ZNF395: variants seen among roughly 807,000 people sequenced by gnomAD.
ZNF395 encodes the protein zinc finger protein 395.
ZNF395 carries 20 observed loss-of-function variants against 57.7 expected under a neutral mutation model. The observed-to-expected ratio is 0.35, with a 90% CI of 0.24 to 0.50. The LOEUF is 0.50. ZNF395 is among the 20% of genes least tolerant of loss of function. The pLI is 0.97. For synonymous variants in ZNF395, 295 were observed against 275.9 expected (o/e 1.07, Z -0.69); for missense variants, 606 against 671.2 (o/e 0.90, Z 1.07).
At chr8:28,383,921 T>G (rs2130003578) in intron 1 of ZNF395, among the ~76,000 whole-genome samples, 1 of 152,302 alleles carries the variant, frequency 6.6e-6, no homozygotes, top group Non-Finnish European at 1.5e-5. Context: ...ATTTCCGATT[T>G]CTCAAGTTAC....
chr8:28,370,034 A>G (rs1378910995), intron 1 of ZNF395, among the ~76,000 whole-genome samples: 1 of 152,164 alleles, frequency 6.6e-6, no homozygotes, highest in African/African-American at 2.4e-5. Context: ...ATGAATGAAC[A>G]TTTGCATCTC....
rs1563338486 is a variant in ZNF395 at position 28,359,620 on chromosome 8, C to CGGGCCTGTAGGCCA, written c.431_444dup (p.Val149TrpfsTer25). On this transcript the variant is annotated frameshift_variant, in exon 3 of 10. Transcript: ENST00000344423. LOFTEE classifies it high-confidence loss of function. This position sits in a 1 kb window ranked among gnomAD's most constrained non-coding sequence, Gnocchi z 4.7. Reference sequence around the variant, plus strand: ...TTTGGGACATCGATGTTCCTGGAGACGGGCCTGTAGGCCAGGGCCTGGGCT... The same window carrying CGGGCCTGTAGGCCA: ...TTTGGGACATCGATGTTCCTGGAGACGGGCCTGTAGGCCAGGGCCTGTAGGCCAGGGCCTGGGCT... 6.2e-7 allele frequency: 1 copy of CGGGCCTGTAGGCCA among 1,606,210 alleles called. No individual in the cohort carries two copies. The highest frequency in any genetic ancestry group is 1.1e-5 in the South Asian group (1 of 90,678).
chr8:28,355,959 T>C (rs949813623), intron 4 of ZNF395, among the ~76,000 whole-genome samples: 3 of 146,386 alleles, frequency 2.0e-5, no homozygotes, highest in African/African-American at 8.4e-5. Context: ...TTCAGTTAGG[T>C]GTCCACCAAT....
chr8:28,360,595 G>A (rs566344409), intron 2 of ZNF395, among the ~76,000 whole-genome samples: 4 of 152,358 alleles, frequency 2.6e-5, no homozygotes, highest in Non-Finnish European at 5.9e-5. Context: ...TAAGAGAAAC[G>A]TGGTTATGGT....
At chr8:28,386,344 G>A (rs1182512492) in intron 1 of ZNF395, 49 bp downstream of exon 1, 1 of 40,864 alleles carries the variant, frequency 2.4e-5, no homozygotes, top group Non-Finnish European at 5.4e-5. Context: ...CCGCGCCTCC[G>A]CGCCCCCGCA....
At position 28,353,322 on chromosome 8, in the gene ZNF395, T is replaced by A. The variant is rs549592223; in HGVS notation, c.670A>T (p.Ser224Cys). The A allele has an allele frequency of 4.4e-6, 7 of 1,607,178 alleles. No individual in the cohort carries two copies. The highest frequency in any genetic ancestry group is 1.7e-4 in the Middle Eastern group (1 of 5,956). ...SSTTSGHWSG[S>C]SGVSTPSPPH... ...GGCGAGGGGGTGGAGACACCACTGC[T>A]CCCACTCCAGTGACCGCTGGTAGTG... Residue 224 changes from serine to cysteine, a missense_variant, in exon 5 of 10, where the codon AGC (serine) becomes TGC (cysteine). Physicochemically the swap from Ser to Cys is moderately radical, Grantham distance 112 (BLOSUM62 -1). Around this residue, in one of 3 missense-constraint regions of ZNF395, gnomAD observed 309 missense variants for 374.7 expected, o/e 0.82. Coordinates refer to ENST00000344423, the MANE Select transcript of ZNF395 (RefSeq NM_018660.3).
intron 2 of ZNF395, 91 bp downstream of exon 2, chr8:28,360,794 C>A (rs191008821): frequency 6.5e-7 from 1 of 1,535,514 alleles, no homozygotes; most frequent in Admixed American, 2.0e-5. Flanking sequence ...AAACGGTGCC[C>A]AGAGAGTTTC....
chr8:28,353,501 C>A, intron 4 of ZNF395, 93 bp from the exon 5 acceptor site: 1 of 984,086 alleles, frequency 1.0e-6, no homozygotes, highest in South Asian at 1.7e-5. Context: ...GAGAGGAGTT[C>A]ATTCATGGCA....
At position 28,347,007 on chromosome 8, in the gene ZNF395, T is replaced by C. The variant is rs1461164822; in HGVS notation, c.*1712A>G. ...ATCACCAAAGACACCTGTGCACAAGTGTCTGTCCCTTCTGTCACCAACCTA... is the reference window on the plus strand; with the variant it reads ...ATCACCAAAGACACCTGTGCACAAGCGTCTGTCCCTTCTGTCACCAACCTA... On this transcript the variant is annotated 3_prime_UTR_variant, in exon 10 of 10. Transcript: ENST00000344423. 1.3e-5 allele frequency: 2 copies of C among 151,150 alleles called. No homozygotes were observed. The highest frequency in any genetic ancestry group is 4.9e-5 in the African/African-American group (2 of 41,092). 9.4% of individuals were successfully genotyped at this position (151,150 alleles called of 1,614,324 possible).
At chr8:28,380,236 A>G (rs1269153299) in intron 1 of ZNF395, among the ~76,000 whole-genome samples, 3 of 152,222 alleles carry the variant, frequency 2.0e-5, no homozygotes, top group Non-Finnish European at 2.9e-5. Context: ...CATCCCCAGA[A>G]GTGGTATTAT....
In ZNF395 at chr8:28,353,296, G is replaced by A; in HGVS notation, c.696C>T (p.Pro232=). 2 of 1,596,756 alleles carry A rather than the reference G, an allele frequency of 1.3e-6. No individual in the cohort carries two copies. Among genetic ancestry groups the A allele is most frequent in the Non-Finnish European group, 1.7e-6 (2 of 1,166,842 alleles). ...ACTTGGGGCTGGCCTGGGGGTGGGG[G>A]GGCGAGGGGGTGGAGACACCACTGC... ...SGSSGVSTPS[P]PHPQASPKYL... is the part of the protein sequence containing the mutation. Residue 232 remains proline, a synonymous_variant, in exon 5 of 10, where the codon CCC becomes CCT. Coordinates refer to ENST00000344423, the MANE Select transcript of ZNF395 (RefSeq NM_018660.3).
chr8:28,351,264 A>T (rs964848850), intron 7 of ZNF395, among the ~76,000 whole-genome samples: 1 of 152,184 alleles, frequency 6.6e-6, no homozygotes, highest in Non-Finnish European at 1.5e-5. Context: ...TTACTTAGGG[A>T]TTTAGCTAGA....
At chr8:28,380,102 C>T (rs1802091274) in intron 1 of ZNF395, among the ~76,000 whole-genome samples, 1 of 152,060 alleles carries the variant, frequency 6.6e-6, no homozygotes. Context: ...TTATTTATTA[C>T]CTCTAGCCCA....
chr8:28,366,778 C>CT (rs1554519960), intron 1 of ZNF395, among the ~76,000 whole-genome samples: 8 of 148,016 alleles, frequency 5.4e-5, no homozygotes, highest in Non-Finnish European at 1.2e-4. Context: ...GTTCTCAAGC[C>CT]TTTTTTTTCC....
chr8:28,370,765 C>T (rs1171101116), intron 1 of ZNF395, among the ~76,000 whole-genome samples: 4 of 152,194 alleles, frequency 2.6e-5, no homozygotes, highest in African/African-American at 7.2e-5. Context: ...CACACACACC[C>T]CCGCCACCTC....
intron 7 of ZNF395, among the ~76,000 whole-genome samples, chr8:28,350,634 T>C (rs1312146636): frequency 2.0e-5 from 3 of 152,226 alleles, no homozygotes; most frequent in South Asian, 2.1e-4. Flanking sequence ...CTGGGCCCCA[T>C]AGGTCAGCCA....
intron 1 of ZNF395, among the ~76,000 whole-genome samples, chr8:28,370,772 C>A (rs529949181): frequency 3.5e-4 from 53 of 152,314 alleles, no homozygotes; most frequent in Non-Finnish European, 6.2e-4. Flanking sequence ...ACCCCCGCCA[C>A]CTCAGGCCAG....
At chr8:28,350,351 T>C (rs1563335844) in intron 7 of ZNF395, among the ~76,000 whole-genome samples, 195 bp from the exon 8 acceptor site, 2 of 152,190 alleles carry the variant, frequency 1.3e-5, no homozygotes, top group African/African-American at 2.4e-5. Context: ...GTAGTCTCCT[T>C]ATTGCGAGGC....
At chr8:28,364,653 C>CA (rs1221074238) in intron 1 of ZNF395, among the ~76,000 whole-genome samples, 894 of 42,978 alleles carry the variant, frequency 0.021, 11 homozygotes, top group Middle Eastern at 0.042. Flanking sequence ...GACTCCGTCT[C>CA]AAAAAAAAAA....
Sources: allele counts gnomAD v4.1 joint callset (sites outside exome capture counted in the v4.1 genomes callset), GRCh38; gene constraint gnomAD v4.1.1; regional missense constraint gnomAD v4.1.1; non-coding constraint Gnocchi (gnomAD v3.1); transcripts MANE v1.5; gene names NCBI Gene and HGNC (gene_info 2026-07-23, HGNC 2026-07-21).